The following FHAD1 variants were observed in gnomAD, a reference collection of about 807,000 sequenced individuals.
The protein encoded by FHAD1 is forkhead associated phosphopeptide binding domain 1.
A neutral mutation model predicts 191.3 loss-of-function variants in FHAD1; 146 were observed. The ratio of observed to expected loss-of-function variants is 0.76; its 90% CI spans 0.67 to 0.88. The LOEUF (loss-of-function observed/expected upper bound fraction) is 0.88, where lower values mean the gene tolerates loss of function less well. FHAD1 is among the 40% of genes least tolerant of loss of function. The pLI, the probability that FHAD1 is intolerant of heterozygous loss-of-function variation, is 0.00. For missense variants in FHAD1, 1,635 were observed against 1,785.8 expected (o/e 0.92, Z 1.52); for synonymous variants, 616 against 672.3 (o/e 0.92, Z 1.29).
chr1:15,356,112 T>C (rs1692712332), intron 20 of FHAD1, among the ~76,000 whole-genome samples: 1 of 152,216 alleles, frequency 6.6e-6, no homozygotes, highest in Admixed American at 6.5e-5. Context: ...TGATTGACAC[T>C]GTGACACTGT....
At chr1:15,249,975 T>C (rs1573620800) in intron 1 of FHAD1, among the ~76,000 whole-genome samples, 1 of 152,200 alleles carries the variant, frequency 6.6e-6, no homozygotes, top group Non-Finnish European at 1.5e-5. Flanking sequence ...ACACCCACCT[T>C]GCAGGGTTTC....
At chr1:15,290,895 T>C (rs990235735) in intron 4 of FHAD1, among the ~76,000 whole-genome samples, 3 of 151,792 alleles carry the variant, frequency 2.0e-5, no homozygotes, top group South Asian at 4.2e-4. Flanking sequence ...TTTGTATTTT[T>C]AGTAGAGATG....
chr1:15,253,867 A>G (rs1647085995), intron 2 of FHAD1, among the ~76,000 whole-genome samples: 1 of 152,164 alleles, frequency 6.6e-6, no homozygotes, highest in African/African-American at 2.4e-5. Context: ...ATAAATCTTT[A>G]TATTTGCCTT....
At chr1:15,308,833 T>G (rs1671370791) in intron 7 of FHAD1, 97 bp downstream of exon 7, 1 of 1,507,148 alleles carries the variant, frequency 6.6e-7, no homozygotes, top group Non-Finnish European at 8.9e-7. Context: ...TTTTTGTTAC[T>G]GAACTTGGCT....
chr1:15,398,143 T>A lies in FHAD1; in HGVS notation c.*730T>A, dbSNP rs969468524. 8 of 145,520 alleles carry A rather than the reference T, an allele frequency of 5.5e-5. No homozygotes were observed. Among genetic ancestry groups the A allele is most frequent in the African/African-American group, 2.1e-4 (8 of 38,476 alleles). 9.0% of individuals were successfully genotyped at this position (145,520 alleles called of 1,614,324 possible). ...CTCTGTCTTTAAAAAAAAAAAAAAA[T>A]GGCTGGGCCTGTAATCCCAGCTACT... On this transcript the variant is annotated 3_prime_UTR_variant, in exon 34 of 34. Transcript: ENST00000688493.
intron 2 of FHAD1, among the ~76,000 whole-genome samples, chr1:15,258,430 C>G (rs1046981357): frequency 2.6e-5 from 4 of 152,100 alleles, no homozygotes; most frequent in Non-Finnish European, 4.4e-5. Context: ...TGTCAGAGTT[C>G]CCTTCCTTTT....
At chr1:15,342,200 C>A (rs1252086968) in intron 16 of FHAD1, among the ~76,000 whole-genome samples, 1 of 152,106 alleles carries the variant, frequency 6.6e-6, no homozygotes, top group African/African-American at 2.4e-5. Flanking sequence ...TTGTAGCTGA[C>A]AGACTGTTTC....
upstream of FHAD1, among the ~76,000 whole-genome samples, chr1:15,247,101 G>C (rs987967863): frequency 1.3e-5 from 2 of 152,230 alleles, no homozygotes; most frequent in African/African-American, 4.8e-5. Context: ...GGGCAGGCTC[G>C]TGGGGCCTGG....
chr1:15,326,875 G>C (rs1678870977), intron 11 of FHAD1, 184 bp from the exon 12 acceptor site: 1 of 575,214 alleles, frequency 1.7e-6, no homozygotes, highest in Admixed American at 3.2e-5. Context: ...AAAGCCTGCT[G>C]TTCTCTTTTC....
chr1:15,308,727 A>C lies in FHAD1; in HGVS notation c.1030A>C (p.Ile344Leu), dbSNP rs529500015. ...EGENLKRDNA[I>L]TSGMVSSLQK... Reference sequence around the variant, plus strand: ...CGAGAACTTAAAGAGAGACAACGCTATCACATCAGGTGAGCCCTTGGAGTC... The same window carrying C: ...CGAGAACTTAAAGAGAGACAACGCTCTCACATCAGGTGAGCCCTTGGAGTC... Residue 344 changes from isoleucine (I) to leucine (L), a missense_variant, in exon 7 of 34, where the codon ATC becomes CTC. Ile to Leu is a conservative substitution (Grantham distance 5). Coordinates refer to ENST00000688493, the MANE Select transcript of FHAD1 (RefSeq NM_001391957.1). 1 of 1,551,686 alleles carries C rather than the reference A, an allele frequency of 6.4e-7. No homozygotes were observed. The highest frequency in any genetic ancestry group is 1.4e-5 in the African/African-American group (1 of 73,184).
chr1:15,366,058 C>T (rs1304116096), intron 24 of FHAD1, 125 bp downstream of exon 24: 3 of 613,712 alleles, frequency 4.9e-6, no homozygotes, highest in Admixed American at 5.9e-5. Flanking sequence ...GAGGCCAAGG[C>T]AGTTGGATCA....
intron 2 of FHAD1, 149 bp from the exon 3 acceptor site, chr1:15,272,174 C>T: frequency 1.4e-6 from 1 of 723,188 alleles, no homozygotes; most frequent in Non-Finnish European, 2.3e-6. Flanking sequence ...AGTCGCTTAA[C>T]CTCTCTGATC....
At chr1:15,355,745 A>G (rs1692519392) in intron 20 of FHAD1, among the ~76,000 whole-genome samples, 1 of 152,210 alleles carries the variant, frequency 6.6e-6, no homozygotes, top group Non-Finnish European at 1.5e-5. Flanking sequence ...GAATATCCCA[A>G]CAGTAACAGC....
At chr1:15,268,226 A>C (rs962468155) in intron 2 of FHAD1, among the ~76,000 whole-genome samples, 1 of 141,430 alleles carries the variant, frequency 7.1e-6, no homozygotes, top group Non-Finnish European at 1.5e-5. Context: ...ATTCCCACCT[A>C]TGAGTGAGAA....
rs750064532 is a variant in FHAD1 at position 15,289,903 on chromosome 1, C to T, written c.568+237C>T. ...ATCCCTCCAGCCTCTGTGCTGTGTC[C>T]GTATACACACACCAGGGCACCTGCA... On this transcript the variant is annotated intron_variant, in intron 4 of 33. Transcript: ENST00000688493. This position sits in a 1 kb window ranked among gnomAD's most constrained non-coding sequence, Gnocchi z 4.2. Among the ~76,000 whole-genome samples, 7 of 152,144 alleles carry T rather than the reference C, an allele frequency of 4.6e-5. No individual in the cohort carries two copies. Among genetic ancestry groups the T allele is most frequent in the South Asian group, 2.1e-4 (1 of 4,816 alleles).
Position 15,345,143 on chromosome 1 carries a change from C to T in FHAD1, c.2191C>T (p.Arg731Trp), listed in dbSNP as rs1470765285. 2.6e-6 allele frequency: 4 copies of T among 1,551,708 alleles called. No homozygotes were observed. The highest frequency in any genetic ancestry group is 2.4e-5 in the South Asian group (2 of 84,058). Residue 731 changes from arginine (R) to tryptophan (W), a missense_variant, in exon 17 of 34, where the codon CGG becomes TGG. Arg to Trp is a moderately radical substitution (Grantham distance 101, BLOSUM62 -3). Coordinates refer to ENST00000688493, the MANE Select transcript of FHAD1 (RefSeq NM_001391957.1). Reference sequence around the variant, plus strand: ...AGCGAAAGAGACTTTAGAGGAAGAACGGAAGAGAATGCAAGAACTGGAGAG... The same window carrying T: ...AGCGAAAGAGACTTTAGAGGAAGAATGGAAGAGAATGCAAGAACTGGAGAG... ...NRAKETLEEE[R>W]KRMQELESLL...
At chr1:15,378,511 A>G (rs1700167124) in intron 28 of FHAD1, among the ~76,000 whole-genome samples, 1 of 152,194 alleles carries the variant, frequency 6.6e-6, no homozygotes, top group Admixed American at 6.5e-5. Context: ...TGCAAGCTGC[A>G]GGAAAAGAGA....
chr1:15,371,019 G>A (rs1319704053), intron 26 of FHAD1, among the ~76,000 whole-genome samples: 2 of 152,190 alleles, frequency 1.3e-5, no homozygotes, highest in African/African-American at 4.8e-5. Flanking sequence ...GCTGTCCAGA[G>A]CACTTTAACA....
chr1:15,384,426 C>G (rs1000252625), intron 31 of FHAD1: 1 of 152,374 alleles, frequency 6.6e-6, no homozygotes, highest in Non-Finnish European at 1.5e-5. Flanking sequence ...CGCTCCTTCC[C>G]GAGGCAGTGT....
Sources: gnomAD v4.1 joint callset for allele counts (sites outside exome capture counted in the v4.1 genomes callset) on GRCh38, gnomAD v4.1.1 for gene constraint, Gnocchi (gnomAD v3.1) non-coding constraint, MANE v1.5 for transcripts, NCBI Gene and HGNC (gene_info 2026-07-23, HGNC 2026-07-21) for gene names.